Variants in GALNT10 observed in about 807,000 individuals in gnomAD.
The protein encoded by GALNT10 is polypeptide N-acetylgalactosaminyltransferase 10, also known as GalNAc transferase 10.
In GALNT10, 41 loss-of-function variants were observed where a neutral mutation model predicts 75.0. That is an observed-to-expected ratio of 0.55 (90% CI 0.43 to 0.71). The LOEUF (loss-of-function observed/expected upper bound fraction) is 0.71, where lower values mean the gene tolerates loss of function less well. Among genes scored for constraint, GALNT10 ranks in the 30% least tolerant of loss-of-function variants. GALNT10 has a pLI of 0.00. For missense variants in GALNT10, 727 were observed against 818.5 expected, an observed-to-expected ratio of 0.89 and a Z score of 1.36; for synonymous variants, 302 against 313.0, an observed-to-expected ratio of 0.96 and a Z score of 0.37.
At chr5:154,197,262 CTG>C (rs1057377274) in intron 1 of GALNT10, among the ~76,000 whole-genome samples, 5 of 152,330 alleles carry the variant, frequency 3.3e-5, no homozygotes, top group African/African-American at 9.6e-5. Flanking sequence ...GTCCCGAGAA[CTG>C]TCTCCCCTGC....
rs139002756 is a variant in GALNT10, at chr5:154,253,472, A to G, written c.160-41344A>G. Among the ~76,000 whole-genome samples, 1,066 of 152,142 alleles carry G rather than the reference A, an allele frequency of 7.0e-3. 8 individuals carry two copies. Among genetic ancestry groups the G allele is most frequent in the Non-Finnish European group, 0.01 (705 of 67,970 alleles). ...ATGAGTTAATGGGTGCAGCACACCA[A>G]CATGGCATATGTAACAAACCTGCAC... On this transcript the variant is annotated intron_variant, in intron 1 of 11. Transcript: ENST00000297107.
chr5:154,232,971 G>T (rs1753172569), intron 1 of GALNT10, among the ~76,000 whole-genome samples: 1 of 152,172 alleles, frequency 6.6e-6, no homozygotes, highest in African/African-American at 2.4e-5. Flanking sequence ...TGTAGAGTCA[G>T]TTAGCCCCAG....
chr5:154,282,555 A>G (rs1281764537), intron 1 of GALNT10, among the ~76,000 whole-genome samples: 1 of 152,242 alleles, frequency 6.6e-6, no homozygotes, highest in African/African-American at 2.4e-5. Context: ...TTAGGAATCC[A>G]GAAAGGAAAC....
At chr5:154,400,807 C>T (rs916034919) in intron 7 of GALNT10, among the ~76,000 whole-genome samples, 2 of 151,978 alleles carry the variant, frequency 1.3e-5, no homozygotes, top group Non-Finnish European at 2.9e-5. Flanking sequence ...GTGTGGTGAG[C>T]AAGAAGTGAG....
intron 1 of GALNT10, among the ~76,000 whole-genome samples, chr5:154,248,917 G>A (rs1333421140): frequency 6.6e-6 from 1 of 152,238 alleles, no homozygotes; most frequent in East Asian, 1.9e-4. Flanking sequence ...AGGAATGGCA[G>A]TATTTTAGGC....
At position 154,191,020 on chromosome 5, in the gene GALNT10, G is replaced by C; in HGVS notation, c.154G>C (p.Gly52Arg). The C allele has an allele frequency of 1.4e-6, 2 of 1,442,260 alleles. No homozygotes were observed. Among genetic ancestry groups the C allele is most frequent in the Non-Finnish European group, 1.8e-6 (2 of 1,091,088 alleles). The allele number at this position is 1,442,260 out of a possible 1,614,324, so 89.3% of individuals were successfully genotyped here. A position where few individuals can be genotyped will look rare whatever the true frequency, so the allele number is the denominator to read the frequency against. The change falls in exon 1 of 12, where the codon GGA (glycine) becomes CGA (arginine). Residue 52 changes from glycine to arginine, a missense_variant. By Grantham distance (125) the Gly-to-Arg change is moderately radical (BLOSUM62 -2). Coordinates refer to ENST00000297107, the MANE Select transcript of GALNT10 (RefSeq NM_198321.4). ...GSGAAVAPAA[G>R]QGSHSRQKKT... The stretch of plus-strand genomic sequence containing the variant: ...GGGGGCGGCGGTGGCGCCGGCGGCG[G>C]GACAGGTGAGTCCCCCCGTTGCTAC...
chr5:154,194,351 G>T (rs1261678540), intron 1 of GALNT10, among the ~76,000 whole-genome samples: 6 of 152,170 alleles, frequency 3.9e-5, no homozygotes, highest in African/African-American at 1.4e-4. Flanking sequence ...CCATCAGAAA[G>T]TTAAGTATAG....
chr5:154,416,933 C>T lies in GALNT10; in HGVS notation c.1773C>T (p.His591=), dbSNP rs371891384. The T allele has an allele frequency of 6.2e-7, 1 of 1,614,062 alleles. No homozygotes were observed. ...TCACCCAGCAGTGGCTGTTTGAACA[C>T]ACCAACTCAACAGTCTTGGAAAAAT... is the stretch of plus-strand genomic sequence containing the variant. ...SSLTQQWLFE[H]TNSTVLEKFN... Residue 591 remains histidine (H), a synonymous_variant, in exon 12 of 12, where the codon CAC becomes CAT. Coordinates refer to ENST00000297107, the MANE Select transcript of GALNT10 (RefSeq NM_198321.4). This position sits in a 1 kb window ranked among gnomAD's most constrained non-coding sequence, Gnocchi z 4.5.
intron 3 of GALNT10, among the ~76,000 whole-genome samples, chr5:154,322,263 C>T (rs1339765418): frequency 6.6e-6 from 1 of 152,144 alleles, no homozygotes; most frequent in Non-Finnish European, 1.5e-5. Flanking sequence ...TGTCTATCAG[C>T]TGCCGACTGT....
At chr5:154,337,225 G>A (rs17119626) in intron 4 of GALNT10, among the ~76,000 whole-genome samples, 16,700 of 152,110 alleles carry the variant, frequency 0.11, 1,244 homozygotes, top group African/African-American at 0.21. Context: ...CCCTTTGTTC[G>A]AATGCTTTAC....
chr5:154,311,787 T>C (rs1356936579), intron 3 of GALNT10, among the ~76,000 whole-genome samples: 1 of 152,064 alleles, frequency 6.6e-6, no homozygotes, highest in Admixed American at 6.6e-5. Flanking sequence ...ATTTTTGTAT[T>C]TTTAGTAGAG....
chr5:154,321,040 T>G, intron 3 of GALNT10, among the ~76,000 whole-genome samples: 1 of 152,202 alleles, frequency 6.6e-6, no homozygotes, highest in East Asian at 1.9e-4. Flanking sequence ...TTCTAAAAAT[T>G]ATCAGACATA....
intron 1 of GALNT10, among the ~76,000 whole-genome samples, chr5:154,213,626 G>A (rs1481053164): frequency 6.6e-6 from 1 of 152,082 alleles, no homozygotes; most frequent in Non-Finnish European, 1.5e-5. Flanking sequence ...TTACTGTGTG[G>A]CCCAGACTGA....
rs114604369 is a variant in GALNT10 at position 154,326,169 on chromosome 5, A to G, written c.402-3403A>G. Among the ~76,000 whole-genome samples, 920 of 152,330 alleles carry G rather than the reference A, an allele frequency of 6.0e-3. 14 individuals carry two copies. The highest frequency in any genetic ancestry group is 0.021 in the African/African-American group (859 of 41,578). Reference sequence around the variant, plus strand: ...ATAGGCATATGGAAAGATACTCAACATCATTAGTCATTAAACCATAAGGAG... The same window carrying G: ...ATAGGCATATGGAAAGATACTCAACGTCATTAGTCATTAAACCATAAGGAG... On this transcript the variant is annotated intron_variant, in intron 3 of 11. Transcript: ENST00000297107.
In GALNT10 at chr5:154,329,322, A is replaced by G. The variant is rs76348723; in HGVS notation, c.402-250A>G. 694 of 470,702 alleles carry G rather than the reference A, an allele frequency of 1.5e-3. 3 individuals are homozygous for G. Among genetic ancestry groups the G allele is most frequent in the African/African-American group, 0.013 (657 of 52,176 alleles). The allele number at this position is 470,702 out of a possible 1,614,324, so 29.2% of individuals were successfully genotyped here. ...TACTGTAGGGCAGTCCTCCACATGA[A>G]ATCACAACTATTCAAACTCAGGGAG... On this transcript the variant is annotated intron_variant, in intron 3 of 11. Coordinates refer to ENST00000297107, the MANE Select transcript of GALNT10 (RefSeq NM_198321.4).
At chr5:154,219,022 C>G (rs1377721678) in intron 1 of GALNT10, among the ~76,000 whole-genome samples, 1 of 152,222 alleles carries the variant, frequency 6.6e-6, no homozygotes, top group Admixed American at 6.5e-5. Flanking sequence ...GAGCCCTCCC[C>G]CGGCTCCCCT....
chr5:154,382,115 G>T (rs1039380421), intron 6 of GALNT10, among the ~76,000 whole-genome samples: 1 of 152,226 alleles, frequency 6.6e-6, no homozygotes, highest in Non-Finnish European at 1.5e-5. Context: ...AAGCAGGACT[G>T]TTGGAAGCTC....
chr5:154,330,925 GTGTGTGTGTGTGTT>G (rs778415033), intron 4 of GALNT10, among the ~76,000 whole-genome samples: 102 of 102,518 alleles, frequency 9.9e-4, no homozygotes, highest in Admixed American at 3.2e-3. Flanking sequence ...GTGTGTGTGT[GTGTGTGTGTGTGTT>G]TGTGTGTGTG....
At chr5:154,317,435 G>T (rs561280629) in intron 3 of GALNT10, among the ~76,000 whole-genome samples, 2 of 152,166 alleles carry the variant, frequency 1.3e-5, no homozygotes, top group South Asian at 4.1e-4. Flanking sequence ...CAAGAGCTCA[G>T]AATCCTTTAG....
Sources: allele counts gnomAD v4.1 joint callset (sites outside exome capture counted in the v4.1 genomes callset), GRCh38; gene constraint gnomAD v4.1.1; non-coding constraint Gnocchi (gnomAD v3.1); transcripts MANE v1.5; gene names NCBI Gene and HGNC (gene_info 2026-07-23, HGNC 2026-07-21).